The following CDH26 variants were observed in gnomAD, a reference collection of about 807,000 sequenced individuals.
CDH26 encodes the protein cadherin-like protein 26.
Under a neutral mutation model 90.3 loss-of-function variants are expected in CDH26, and 83 were observed. The ratio of observed to expected loss-of-function variants is 0.92; its 90% CI spans 0.77 to 1.10. CDH26 has a LOEUF of 1.10. Among genes scored for constraint, CDH26 ranks in the 50% least tolerant of loss-of-function variants. The pLI, the probability that CDH26 is intolerant of heterozygous loss-of-function variation, is 0.00. For synonymous variants in CDH26, 397 were observed against 396.3 expected (o/e 1.00, Z -0.02); for missense variants, 1,013 against 1,037.6 (o/e 0.98, Z 0.33).
At chr20:60,026,418 GAGAGA>G (rs1158172938) in intron 7 of CDH26, among the ~76,000 whole-genome samples, 1 of 151,962 alleles carries the variant, frequency 6.6e-6, no homozygotes, top group Non-Finnish European at 1.5e-5. Flanking sequence ...GAGAGAGAGA[GAGAGA>G]GAGGGAGAAG....
intron 17 of CDH26, among the ~76,000 whole-genome samples, chr20:60,009,771 G>T (rs898659041): frequency 4.6e-5 from 7 of 152,108 alleles, no homozygotes; most frequent in Non-Finnish European, 8.8e-5. Context: ...CAGCCTGGGG[G>T]TTTTGAAGTT....
At chr20:59,976,678 A>G (rs1183340691) in intron 4 of CDH26, among the ~76,000 whole-genome samples, 1 of 152,174 alleles carries the variant, frequency 6.6e-6, no homozygotes, top group Non-Finnish European at 1.5e-5. Context: ...GCAGCGGACT[A>G]GCTCAGTGGT....
chr20:59,996,613 C>T lies in CDH26; in HGVS notation c.1889-18C>T. ...GGTGAGCTTGTCTAATCTGTTTTTCCCCTTTGTCTTATAACAGTGGCTCTG... is the reference window on the plus strand; with the variant it reads ...GGTGAGCTTGTCTAATCTGTTTTTCTCCTTTGTCTTATAACAGTGGCTCTG... On this transcript the variant is annotated intron_variant, in intron 12 of 17. Transcript: ENST00000348616. 1 of 1,614,174 alleles carries T rather than the reference C, an allele frequency of 6.2e-7. No individual in the cohort carries two copies. Among genetic ancestry groups the T allele is most frequent in the Non-Finnish European group, 8.5e-7 (1 of 1,180,034 alleles).
intron 7 of CDH26, among the ~76,000 whole-genome samples, chr20:60,028,736 A>G (rs2062017593): frequency 6.6e-6 from 1 of 152,202 alleles, no homozygotes; most frequent in African/African-American, 2.4e-5. Flanking sequence ...GCTGATTGGA[A>G]TGTAAAATGG....
At chr20:59,987,378 C>T in intron 7 of CDH26, 75 bp from the exon 8 acceptor site, 45 of 1,137,880 alleles carry the variant, frequency 4.0e-5, no homozygotes, top group South Asian at 8.5e-5. Flanking sequence ...TGCTTCTCTC[C>T]CTCCTTCCTC....
At chr20:60,033,597 T>G in exon 9 of CDH26, 1 of 1,304,772 alleles carries the variant, frequency 7.7e-7, no homozygotes, top group Middle Eastern at 2.1e-4. Flanking sequence ...CCATCACCCC[T>G]TAACAAAAAG....
intron 15 of CDH26, among the ~76,000 whole-genome samples, chr20:60,002,225 A>C (rs961229682): frequency 1.3e-5 from 2 of 152,138 alleles, no homozygotes; most frequent in African/African-American, 4.8e-5. Context: ...AAAGATGAAA[A>C]CATGATGTTC....
Position 59,984,761 on chromosome 20 carries a change from C to A in CDH26, c.664C>A (p.Arg222Ser), listed in dbSNP as rs761466507. ...LLKESGFRVD[R>S]LSGEIRLSGC... ...GAAAGAAAGTGGTTTCCGGGTTGAT[C>A]GCCTTAGTGGAGAAATACGACTCTC... The change falls in exon 6 of 18, where the codon CGC becomes AGC. Residue 222 changes from arginine to serine, a missense_variant. Coordinates refer to ENST00000348616, the MANE Select transcript of CDH26 (RefSeq NM_177980.4). 1 of 1,613,584 alleles carries A rather than the reference C, an allele frequency of 6.2e-7. No homozygotes were observed. Among genetic ancestry groups the A allele is most frequent in the Non-Finnish European group, 8.5e-7 (1 of 1,179,850 alleles).
intron 7 of CDH26, among the ~76,000 whole-genome samples, chr20:60,019,866 A>G (rs1183725686): frequency 6.6e-6 from 1 of 152,210 alleles, no homozygotes; most frequent in Non-Finnish European, 1.5e-5. Flanking sequence ...GGAAAAACTT[A>G]TTCATATAGA....
At chr20:59,967,667 C>T (rs557592196) in intron 1 of CDH26, among the ~76,000 whole-genome samples, 1 of 151,976 alleles carries the variant, frequency 6.6e-6, no homozygotes, top group Non-Finnish European at 1.5e-5. Context: ...CTCCCCACTC[C>T]CACCCTTTCG....
At chr20:60,019,078 C>T (rs569483062), downstream of CDH26, among the ~76,000 whole-genome samples, 16 of 152,140 alleles carry the variant, frequency 1.1e-4, no homozygotes, top group Middle Eastern at 3.4e-3. Flanking sequence ...CTGAGAAATC[C>T]GCAGTCTAAT....
chr20:59,958,565 G>A lies in CDH26; in HGVS notation c.-162G>A. 1.5e-6 allele frequency: 1 copy of A among 682,006 alleles called. No individual in the cohort carries two copies. The highest frequency in any genetic ancestry group is 2.6e-6 in the Non-Finnish European group (1 of 380,486). The allele number at this position is 682,006 out of a possible 1,614,324, so 42.2% of individuals were successfully genotyped here. A position where few individuals can be genotyped will look rare whatever the true frequency, so the allele number is the denominator to read the frequency against. On this transcript the variant is annotated 5_prime_UTR_variant, in exon 1 of 18. Coordinates refer to ENST00000348616, the MANE Select transcript of CDH26 (RefSeq NM_177980.4). ...TGATAAATGCAAGAAAAGCTGAAAA[G>A]GGAGGAGCAAGATGGGATGAAAGCA...
intron 13 of CDH26, among the ~76,000 whole-genome samples, chr20:59,999,343 C>A (rs191300382): frequency 1.3e-5 from 2 of 152,134 alleles, no homozygotes; most frequent in Non-Finnish European, 2.9e-5. Context: ...TTACATGGAA[C>A]CCTGAACCAT....
intron 6 of CDH26, 37 bp from the exon 7 acceptor site, chr20:59,984,964 A>G (rs769374963): frequency 3.6e-5 from 57 of 1,603,708 alleles, no homozygotes; most frequent in Non-Finnish European, 3.8e-5. Context: ...CCTTTCCTGT[A>G]TTTGAGGGGC....
chr20:60,005,847 A>G (rs911976342), intron 16 of CDH26, among the ~76,000 whole-genome samples: 6 of 152,064 alleles, frequency 3.9e-5, no homozygotes, highest in Admixed American at 2.0e-4. Context: ...TTGCTCACGT[A>G]TGGCTTCAAC....
chr20:59,985,817 A>T (rs1017909166), intron 7 of CDH26, among the ~76,000 whole-genome samples: 48 of 152,166 alleles, frequency 3.2e-4, no homozygotes, highest in African/African-American at 1.1e-3. Flanking sequence ...GAACTTTTAC[A>T]TGCATTTTTT....
At position 59,970,236 on chromosome 20, in the gene CDH26, C is replaced by T. The variant is rs1048781727; in HGVS notation, c.231+50C>T. On this transcript the variant is annotated intron_variant, in intron 3 of 17. Coordinates refer to ENST00000348616, the MANE Select transcript of CDH26 (RefSeq NM_177980.4). Reference sequence around the variant, plus strand: ...GACCCCATCATGCCCTCTAAGTAAGCACGCCCCTTTGGCCAGGAAGATTAA... The same window carrying T: ...GACCCCATCATGCCCTCTAAGTAAGTACGCCCCTTTGGCCAGGAAGATTAA... The T allele has an allele frequency of 8.1e-6, 13 of 1,597,988 alleles. No homozygotes were observed. The African/African-American group carries it at 1.7e-4, about 22-fold the overall frequency.
Position 59,996,731 on chromosome 20 carries a change from T to C in CDH26, c.1989T>C (p.Tyr663=). 1 of 1,614,254 alleles carries C rather than the reference T, an allele frequency of 6.2e-7. No homozygotes were observed. The highest frequency in any genetic ancestry group is 8.5e-7 in the Non-Finnish European group (1 of 1,180,042). ...AAGGCCACCAAACACTGGTCATGTATAATGCGGAGAGCAAAGGCACTTCAG... is the reference window on the plus strand; with the variant it reads ...AAGGCCACCAAACACTGGTCATGTACAATGCGGAGAGCAAAGGCACTTCAG... ...NDEGHQTLVM[Y]NAESKGTSAQ... Residue 663 remains tyrosine (Y), a synonymous_variant, in exon 13 of 18, where the codon TAT becomes TAC. Coordinates refer to ENST00000348616, the MANE Select transcript of CDH26 (RefSeq NM_177980.4).
chr20:60,000,521 CT>C (rs1162822494), intron 14 of CDH26, among the ~76,000 whole-genome samples: 1 of 152,214 alleles, frequency 6.6e-6, no homozygotes, highest in East Asian at 1.9e-4. Flanking sequence ...AGAGCCTTCT[CT>C]TTCCTTCCTC....
Sources: allele counts gnomAD v4.1 joint callset (sites outside exome capture counted in the v4.1 genomes callset), GRCh38; gene constraint gnomAD v4.1.1; transcripts MANE v1.5; gene names NCBI Gene and HGNC (gene_info 2026-07-23, HGNC 2026-07-21).